MCTP2: variants seen among roughly 807,000 people sequenced by gnomAD.
MCTP2 encodes multiple C2 and transmembrane domain-containing protein 2.
MCTP2 carries 132 observed loss-of-function variants against 111.6 expected under a neutral mutation model. The ratio of observed to expected loss-of-function variants is 1.18; its 90% confidence interval spans 1.03 to 1.37. MCTP2 has a LOEUF of 1.37. MCTP2 is among the 40% of genes most tolerant of loss of function. The pLI, the probability that MCTP2 is intolerant of heterozygous loss-of-function variation, is 0.00. For synonymous variants in MCTP2, 395 were observed against 387.7 expected (o/e 1.02, Z -0.22); for missense variants, 1,183 against 1,067.9 (o/e 1.11, Z -1.50).
intron 4 of MCTP2, among the ~76,000 whole-genome samples, chr15:94,328,966 A>G (rs570791270): frequency 2.0e-5 from 3 of 152,158 alleles, no homozygotes; most frequent in African/African-American, 7.2e-5. Context: ...CCCATGCAGC[A>G]TGTCTTCCTC....
At chr15:94,454,351 A>G (rs1442852260) in intron 19 of MCTP2, among the ~76,000 whole-genome samples, 1 of 152,208 alleles carries the variant, frequency 6.6e-6, no homozygotes, top group Non-Finnish European at 1.5e-5. Context: ...CTAATTATTC[A>G]TAATTGCATC....
chr15:94,345,283 C>G (rs2077913551), intron 8 of MCTP2, 119 bp downstream of exon 8: 2 of 992,000 alleles, frequency 2.0e-6, no homozygotes, highest in East Asian at 2.8e-5. Flanking sequence ...TTCTTTTCCT[C>G]TTACTGCTGT....
intron 1 of MCTP2, chr15:94,292,894 G>A (rs894672925): frequency 7.9e-5 from 12 of 152,266 alleles, no homozygotes; most frequent in African/African-American, 2.9e-4. Flanking sequence ...CAATGGAAAG[G>A]AATAATGAGT....
chr15:94,331,244 A>G (rs1427256376), intron 4 of MCTP2, among the ~76,000 whole-genome samples: 1 of 152,224 alleles, frequency 6.6e-6, no homozygotes, highest in African/African-American at 2.4e-5. Context: ...TCTCTGGCTC[A>G]TCTTAGTTGA....
At chr15:94,374,330 T>A (rs1446726085) in intron 12 of MCTP2, among the ~76,000 whole-genome samples, 2 of 152,332 alleles carry the variant, frequency 1.3e-5, no homozygotes, top group Non-Finnish European at 2.9e-5. Flanking sequence ...ATGTTACCCA[T>A]TGAGAGAGAT....
rs1025906971 is a variant in MCTP2, at chr15:94,362,573, G to A, written c.1301+3961G>A. On this transcript the variant is annotated intron_variant, in intron 10 of 22. Coordinates refer to ENST00000357742, the MANE Select transcript of MCTP2 (RefSeq NM_001385001.1). The stretch of plus-strand genomic sequence containing the variant: ...CTCTGGACAAATTGCACCCCATGTC[G>A]TTGATCTGCTTTTACAGCCAGGCTT... 7.2e-5 allele frequency among the ~76,000 whole-genome samples: 11 copies of A among 152,202 alleles called. No individual in the cohort carries two copies. In the South Asian group the frequency reaches 8.3e-4, roughly 11 times the overall value.
chr15:94,272,679 C>A (rs1216669133), intron 1 of MCTP2, among the ~76,000 whole-genome samples: 1 of 152,010 alleles, frequency 6.6e-6, no homozygotes, highest in Non-Finnish European at 1.5e-5. Flanking sequence ...ATAAAACACC[C>A]TTCCTTTGGC....
intron 8 of MCTP2, among the ~76,000 whole-genome samples, chr15:94,355,779 T>C (rs2078587088): frequency 6.6e-6 from 1 of 152,266 alleles, no homozygotes; most frequent in African/African-American, 2.4e-5. Context: ...TGCCTTGTTC[T>C]GGTATAATAT....
chr15:94,444,077 A>C (rs1377325955), intron 19 of MCTP2, among the ~76,000 whole-genome samples: 1 of 150,324 alleles, frequency 6.7e-6, no homozygotes, highest in Non-Finnish European at 1.5e-5. Context: ...CCTGTTCTTC[A>C]GACTGGCCAG....
At chr15:94,400,329 A>T (rs1394400735) in intron 16 of MCTP2, among the ~76,000 whole-genome samples, 2 of 152,176 alleles carry the variant, frequency 1.3e-5, no homozygotes, top group South Asian at 4.1e-4. Context: ...CCGTCCTTTA[A>T]TCACAGCCAT....
At chr15:94,338,488 ATTTTTTTTTTT>A (rs201502636) in intron 4 of MCTP2, among the ~76,000 whole-genome samples, 1 of 134,196 alleles carries the variant, frequency 7.5e-6, no homozygotes, top group Non-Finnish European at 1.6e-5. Flanking sequence ...GTTTGCAGGC[ATTTTTTTTTTT>A]TTTTTTTTTA....
intron 19 of MCTP2, among the ~76,000 whole-genome samples, chr15:94,455,483 G>A (rs1395689210): frequency 9.9e-5 from 15 of 151,954 alleles, no homozygotes; most frequent in African/African-American, 2.7e-4. Context: ...CTGTCGCCAG[G>A]CTCGAGTGCA....
At position 94,480,252 on chromosome 15, in the gene MCTP2, G is replaced by A. The variant is rs2074657207; in HGVS notation, c.*1218G>A. ...ATTTTGTTGACACATACTTTGTGCA[G>A]TTTTTATGTATGTATGTATTATAAA... is the stretch of plus-strand genomic sequence containing the variant. On this transcript the variant is annotated 3_prime_UTR_variant, in exon 23 of 23. Transcript: ENST00000357742. 1.3e-5 allele frequency: 2 copies of A among 151,226 alleles called. No individual in the cohort carries two copies. The highest frequency in any genetic ancestry group is 2.9e-5 in the Non-Finnish European group (2 of 67,912). 9.4% of individuals were successfully genotyped at this position (151,226 alleles called of 1,614,324 possible).
At position 94,435,853 on chromosome 15, in the gene MCTP2, G is replaced by A. The variant is rs112047397; in HGVS notation, c.2086-4323G>A. On this transcript the variant is annotated intron_variant, in intron 17 of 22. Transcript: ENST00000357742. ...TCACCGTTTTAGCCGGGATGGTCTC[G>A]ATCTCCTGACCTCGTGATCCGCCCG... Among the ~76,000 whole-genome samples, 426 of 150,886 alleles carry A rather than the reference G, an allele frequency of 2.8e-3. 1 individual carries two copies. Among genetic ancestry groups the A allele is most frequent in the African/African-American group, 9.7e-3 (402 of 41,288 alleles).
chr15:94,416,060 A>G (rs2082364247), intron 17 of MCTP2, among the ~76,000 whole-genome samples: 2 of 152,130 alleles, frequency 1.3e-5, no homozygotes, highest in Admixed American at 1.3e-4. Flanking sequence ...GCAAGCTTGC[A>G]TTCCACCTCG....
chr15:94,346,887 T>G (rs2078012132), intron 8 of MCTP2, among the ~76,000 whole-genome samples: 2 of 150,560 alleles, frequency 1.3e-5, no homozygotes, highest in South Asian at 4.2e-4. Flanking sequence ...GAGTTGTGTC[T>G]TAGAACTGAG....
chr15:94,341,075 T>C (rs955855917), intron 7 of MCTP2, 151 bp downstream of exon 7: 2 of 582,412 alleles, frequency 3.4e-6, no homozygotes, highest in Non-Finnish European at 6.2e-6. Flanking sequence ...AAAATATCTG[T>C]TTTTTAATAC....
At chr15:94,244,363 T>C (rs1300195592) in intron 1 of MCTP2, among the ~76,000 whole-genome samples, 2 of 148,692 alleles carry the variant, frequency 1.3e-5, no homozygotes, top group Non-Finnish European at 1.5e-5. Context: ...CATACATATG[T>C]ATATATACGT....
intron 1 of MCTP2, among the ~76,000 whole-genome samples, chr15:94,252,459 C>T (rs1301168751): frequency 6.6e-5 from 10 of 152,160 alleles, no homozygotes; most frequent in African/African-American, 2.2e-4. Flanking sequence ...CCTGGCAGAT[C>T]AAAAGATCTG....
Sources: allele counts gnomAD v4.1 joint callset (sites outside exome capture counted in the v4.1 genomes callset), GRCh38; gene constraint gnomAD v4.1.1; transcripts MANE v1.5; gene names NCBI Gene and HGNC (gene_info 2026-07-23, HGNC 2026-07-21).